Variants in PCDHGA7 observed in about 807,000 individuals in gnomAD.
PCDHGA7 encodes the protein protocadherin gamma-A7.
Under a neutral mutation model 58.3 loss-of-function variants are expected in PCDHGA7, and 44 were observed. That is an observed-to-expected ratio of 0.75 (90% CI 0.59 to 0.97). PCDHGA7 has a LOEUF of 0.97. PCDHGA7 is among the 50% of genes least tolerant of loss of function. The pLI is 0.00. For synonymous variants in PCDHGA7, 516 were observed against 504.2 expected (o/e 1.02, Z -0.31); for missense variants, 1,266 against 1,188.7 (o/e 1.06, Z -0.96).
intron 1 of PCDHGA7, chr5:141,418,506 ATGG>A (rs2096264933): frequency 6.2e-7 from 1 of 1,613,860 alleles, no homozygotes; most frequent in African/African-American, 1.3e-5. Context: ...ACCGCCTTAG[ATGG>A]TGGGGACCCT....
intron 1 of PCDHGA7, chr5:141,387,572 T>G: frequency 2.1e-6 from 1 of 480,808 alleles, no homozygotes; most frequent in South Asian, 3.5e-5. Context: ...CAATTATAAT[T>G]ATTGCACTGG....
chr5:141,394,996 C>T (rs1331251272), intron 1 of PCDHGA7: 1 of 1,613,916 alleles, frequency 6.2e-7, no homozygotes, highest in African/African-American at 1.3e-5. Flanking sequence ...CTCCAGGATT[C>T]CGGTGGCAGA....
rs2096175268 is a variant in PCDHGA7, at chr5:141,417,870, G to A, written c.2424+32547G>A. On this transcript the variant is annotated intron_variant, in intron 1 of 3. Transcript: ENST00000518325. ...GAACCCGAGCGAACGATGGGAGGGA[G>A]CTGCGCGCAGAGGCGCCGGGCCGGC... 3 of 1,553,910 alleles carry A rather than the reference G, an allele frequency of 1.9e-6. No homozygotes were observed. Among genetic ancestry groups the A allele is most frequent in the Admixed American group, 2.0e-5 (1 of 51,084 alleles).
chr5:141,427,428 T>A (rs1489623330), intron 1 of PCDHGA7: 1 of 470,472 alleles, frequency 2.1e-6, no homozygotes. Context: ...GGAGGTTACA[T>A]GCCTCATAAA....
At position 141,490,979 on chromosome 5, in the gene PCDHGA7, C is replaced by T. The variant is rs1217345302; in HGVS notation, c.2425-3828C>T. 6.2e-7 allele frequency: 1 copy of T among 1,614,086 alleles called. No individual in the cohort carries two copies. The highest frequency in any genetic ancestry group is 8.5e-7 in the Non-Finnish European group (1 of 1,180,014). ...GAACACTCAGCCCCCCAGCGTCTCC[C>T]TCGCTCTGCTCCTCCTGGCTCCTTG... On this transcript the variant is annotated intron_variant, in intron 1 of 3. Transcript: ENST00000518325. This position sits in a 1 kb window ranked among gnomAD's most constrained non-coding sequence, Gnocchi z 5.4.
chr5:141,383,281 G>C lies in PCDHGA7; in HGVS notation c.382G>C (p.Asp128His). The change falls in exon 1 of 4, where the codon GAC (aspartate) becomes CAC (histidine). Residue 128 changes from aspartate (D) to histidine (H), a missense_variant. Physicochemically the swap from Asp to His is moderately conservative, Grantham distance 81 (BLOSUM62 -1). Transcript: ENST00000518325. ...AGACGTGGAAATAATAGATATTAAT[G>C]ACAACGTTCCAAGATTCTTGACGGA... The part of the protein sequence containing the change: ...PIDVEIIDIN[D>H]NVPRFLTEEI... 1 of 1,613,922 alleles carries C rather than the reference G, an allele frequency of 6.2e-7. No homozygotes were observed. The highest frequency in any genetic ancestry group is 8.5e-7 in the Non-Finnish European group (1 of 1,179,866).
chr5:141,491,454 C>G lies in PCDHGA7; in HGVS notation c.2425-3353C>G. ...GCTGCAGGCGCCAGGACTCACCCTCCCCGGACTTCTATAAGCAGTCCAGCC... is the reference window on the plus strand; with the variant it reads ...GCTGCAGGCGCCAGGACTCACCCTCGCCGGACTTCTATAAGCAGTCCAGCC... On this transcript the variant is annotated intron_variant, in intron 1 of 3. Coordinates refer to ENST00000518325, the MANE Select transcript of PCDHGA7 (RefSeq NM_018920.4). This position sits in a 1 kb window ranked among gnomAD's most constrained non-coding sequence, Gnocchi z 6.9. The G allele has an allele frequency of 6.2e-7, 1 of 1,614,120 alleles. No individual in the cohort carries two copies. Among genetic ancestry groups the G allele is most frequent in the Non-Finnish European group, 8.5e-7 (1 of 1,180,032 alleles).
chr5:141,383,022 AG>A lies in PCDHGA7; in HGVS notation c.126del (p.Ser43ProfsTer35). On this transcript the variant is annotated frameshift_variant, in exon 1 of 4. Coordinates refer to ENST00000518325, the MANE Select transcript of PCDHGA7 (RefSeq NM_018920.4). LOFTEE classifies it high-confidence loss of function. Reference protein sequence around the residue: ...LYSVSEETDKGSFVGDIAKDL... With the variant: ...LYSVSEETDKXSFVGDIAKDL... ...ACTCCGTGTCGGAGGAGACGGACAA[AG>A]GGTCCTTTGTGGGAGACATCGCCAA... The A allele has an allele frequency of 6.2e-7, 1 of 1,613,826 alleles. No homozygotes were observed. The highest frequency in any genetic ancestry group is 8.5e-7 in the Non-Finnish European group (1 of 1,179,890).
chr5:141,461,269 TTC>T (rs1316205976), intron 1 of PCDHGA7, among the ~76,000 whole-genome samples: 4 of 152,186 alleles, frequency 2.6e-5, no homozygotes, highest in Admixed American at 2.0e-4. Flanking sequence ...TGTGTAAGTG[TTC>T]TCTTTTCCCC....
intron 1 of PCDHGA7, chr5:141,422,532 A>G (rs752364905): frequency 6.2e-7 from 1 of 1,614,030 alleles, no homozygotes; most frequent in South Asian, 1.1e-5. Flanking sequence ...CTTTGTCTGC[A>G]GAAACTCATG....
chr5:141,440,077 C>T (rs983267885), intron 1 of PCDHGA7: 1 of 152,424 alleles, frequency 6.6e-6, no homozygotes, highest in Non-Finnish European at 1.5e-5. Flanking sequence ...AGGAATAATA[C>T]TTCATTCTAA....
At chr5:141,410,828 C>A in intron 1 of PCDHGA7, 4 of 377,748 alleles carry the variant, frequency 1.1e-5, no homozygotes, top group Non-Finnish European at 1.8e-5. Context: ...TGTCACCAGA[C>A]TGAAGATATT....
Position 141,384,221 on chromosome 5 carries a change from A to G in PCDHGA7, c.1322A>G (p.Gln441Arg). 1 of 1,613,936 alleles carries G rather than the reference A, an allele frequency of 6.2e-7. No individual in the cohort carries two copies. Among genetic ancestry groups the G allele is most frequent in the Non-Finnish European group, 8.5e-7 (1 of 1,179,898 alleles). Residue 441 changes from glutamine to arginine, a missense_variant, in exon 1 of 4, where the codon CAG (glutamine) becomes CGG (arginine). Transcript: ENST00000518325. ...PLSRETHIFM[Q>R]VADTNDNPPT... is the part of the protein sequence containing the mutation. ...TCCAGGGAAACTCACATATTCATGC[A>G]GGTGGCAGACACCAACGATAACCCA...
At chr5:141,474,452 G>A (rs1341193950) in intron 1 of PCDHGA7, among the ~76,000 whole-genome samples, 1 of 152,158 alleles carries the variant, frequency 6.6e-6, no homozygotes, top group Non-Finnish European at 1.5e-5. Flanking sequence ...CAAGTGATTG[G>A]GCTATACTCT....
In PCDHGA7 at chr5:141,403,896, A is replaced by T. The variant is rs2094466164; in HGVS notation, c.2424+18573A>T. 6.2e-7 allele frequency: 1 copy of T among 1,613,866 alleles called. No individual in the cohort carries two copies. On this transcript the variant is annotated intron_variant, in intron 1 of 3. Transcript: ENST00000518325. The stretch of plus-strand genomic sequence containing the variant: ...CTAGATTATGAAGAATGTTCATTTT[A>T]TGAAATGGAAATACAAGCTGAAGAT...
chr5:141,421,379 A>G, intron 1 of PCDHGA7: 1 of 1,614,054 alleles, frequency 6.2e-7, no homozygotes, highest in Non-Finnish European at 8.5e-7. Flanking sequence ...AATATCTCCA[A>G]GGACCTGGGG....
chr5:141,502,331 G>C lies in PCDHGA7; in HGVS notation c.2484-3062G>C, dbSNP rs555959890. ...TCCTTTAATCTGGAGCCAGCTCCCA[G>C]TCTTTTTATTTTTTTAATGACATGG... On this transcript the variant is annotated intron_variant, in intron 2 of 3. Transcript: ENST00000518325. Among the ~76,000 whole-genome samples, 42 of 152,102 alleles carry C rather than the reference G, an allele frequency of 2.8e-4. No individual in the cohort carries two copies. The South Asian group carries it at 6.2e-3, about 23-fold the overall frequency.
intron 1 of PCDHGA7, chr5:141,414,666 A>G (rs1243321329): frequency 6.2e-7 from 1 of 1,614,002 alleles, no homozygotes; most frequent in Admixed American, 1.7e-5. Context: ...CCCTGGCTGA[A>G]GACACCATCC....
At chr5:141,394,868 C>T in intron 1 of PCDHGA7, 1 of 1,613,828 alleles carries the variant, frequency 6.2e-7, no homozygotes, top group Non-Finnish European at 8.5e-7. Flanking sequence ...TCGACCCGAA[C>T]GATTCGAGCC....
Sources: allele counts gnomAD v4.1 joint callset (sites outside exome capture counted in the v4.1 genomes callset), GRCh38; gene constraint gnomAD v4.1.1; non-coding constraint Gnocchi (gnomAD v3.1); transcripts MANE v1.5; gene names NCBI Gene and HGNC (gene_info 2026-07-23, HGNC 2026-07-21).